The following CNOT1 variants were observed in gnomAD, a reference collection of about 807,000 sequenced individuals.
CNOT1 encodes the protein CCR4-NOT transcription complex subunit 1, also known as CCR4-associated factor 1.
In CNOT1, 15 loss-of-function variants were observed where a neutral mutation model predicts 273.8. That is an observed-to-expected ratio of 0.05 (90% CI 0.04 to 0.08). The LOEUF (loss-of-function observed/expected upper bound fraction) is 0.08. Ranked by LOEUF, CNOT1 falls within the 10% of genes least tolerant of loss-of-function variation. CNOT1 has a pLI of 1.00. For synonymous variants in CNOT1, 1,022 were observed against 1,005.5 expected (o/e 1.02, Z -0.31); for missense variants, 1,644 against 2,912.2 (o/e 0.56, Z 10.02).
intron 13 of CNOT1, among the ~76,000 whole-genome samples, chr16:58,578,449 T>G (rs1215615623): frequency 9.2e-6 from 1 of 108,430 alleles, no homozygotes; most frequent in African/African-American, 3.5e-5. Context: ...CAAGACACCA[T>G]CTCAAAAAAA....
At chr16:58,580,506 A>G (rs2041620035) in intron 12 of CNOT1, 127 bp downstream of exon 12, 4 of 1,369,478 alleles carry the variant, frequency 2.9e-6, no homozygotes, top group Middle Eastern at 4.5e-4. Flanking sequence ...AATACTTAAG[A>G]TAAGTAAGGT....
Position 58,615,428 on chromosome 16 carries a change from T to C in CNOT1, c.-175+14300A>G, listed in dbSNP as rs751171492. 3.2e-5 allele frequency among the ~76,000 whole-genome samples: 4 copies of C among 125,086 alleles called. 2 individuals are homozygous for C. The highest frequency in any genetic ancestry group is 5.4e-5 in the African/African-American group (2 of 37,136). 82.1% of individuals were successfully genotyped at this position (125,086 alleles called of 152,430 possible). On this transcript the variant is annotated intron_variant, in intron 1 of 48. Transcript: ENST00000317147. The stretch of plus-strand genomic sequence containing the variant: ...ATATGGTATGTGGCACTTTCAGACC[T>C]AGCTCACAAAACCTCACTCATGATT...
At chr16:58,586,469 A>AG (rs1263565287) in intron 7 of CNOT1, 76 bp downstream of exon 7, 13 of 848,498 alleles carry the variant, frequency 1.5e-5, no homozygotes, top group African/African-American at 3.1e-5. Context: ...AGGGGAGGGG[A>AG]GGGGGGAATG....
intron 44 of CNOT1, 63 bp from the exon 45 acceptor site, chr16:58,526,201 G>C (rs2039574587): frequency 6.3e-7 from 1 of 1,574,978 alleles, no homozygotes; most frequent in Non-Finnish European, 8.7e-7. Flanking sequence ...TTACATCTAT[G>C]CTTAAGTGGT....
chr16:58,610,504 AATC>A (rs2042856968), intron 1 of CNOT1, among the ~76,000 whole-genome samples: 1 of 152,016 alleles, frequency 6.6e-6, no homozygotes, highest in African/African-American at 2.4e-5. Context: ...GGGAGATCGA[AATC>A]ATCCTCACTA....
At chr16:58,538,695 T>C in intron 36 of CNOT1, 77 bp downstream of exon 36, 4 of 1,573,482 alleles carry the variant, frequency 2.5e-6, no homozygotes, top group Admixed American at 1.8e-5. Flanking sequence ...GGGAAACCCC[T>C]GGACATAAAC....
chr16:58,593,565 A>AG (rs898803376), intron 2 of CNOT1, among the ~76,000 whole-genome samples: 8 of 67,052 alleles, frequency 1.2e-4, no homozygotes, highest in Admixed American at 2.4e-4. Context: ...CTCCGTCTCA[A>AG]GGGAAAAAAA....
At chr16:58,527,985 T>TC in intron 44 of CNOT1, 2 of 335,866 alleles carry the variant, frequency 6.0e-6, no homozygotes, top group East Asian at 8.7e-5. Flanking sequence ...TGGTGGCGAG[T>TC]GCCTGTAATC....
rs1191340979 is a variant in CNOT1 at position 58,581,403 on chromosome 16, C to T, written c.1157G>A (p.Gly386Asp). The T allele has an allele frequency of 2.5e-6, 4 of 1,614,076 alleles. 1 individual carries two copies. The South Asian group carries it at 4.4e-5, about 18-fold the overall frequency. Residue 386 changes from glycine (G) to aspartate (D), a missense_variant, in exon 11 of 49, where the codon GGT (glycine) becomes GAT (aspartate). By Grantham distance (94) the Gly-to-Asp change is moderately conservative (BLOSUM62 -1). Coordinates refer to ENST00000317147, the MANE Select transcript of CNOT1 (RefSeq NM_016284.5). Reference protein sequence around the residue: ...NVVYGIQRGLGMEVFPVDLIY... With the variant: ...NVVYGIQRGLDMEVFPVDLIY... Reference sequence around the variant, plus strand: ...GAGGTCTACTGGGAACACTTCCATACCCAAACCCCTCTGAATGCCATAAAC... The same window carrying T: ...GAGGTCTACTGGGAACACTTCCATATCCAAACCCCTCTGAATGCCATAAAC...
At chr16:58,540,171 G>A in intron 34 of CNOT1, 1 of 437,224 alleles carries the variant, frequency 2.3e-6, no homozygotes, top group East Asian at 3.5e-5. Flanking sequence ...AAGGGAAGAG[G>A]TGTTTCATTT....
chr16:58,570,938 TAGAA>T (rs1252939991), intron 16 of CNOT1, among the ~76,000 whole-genome samples: 3 of 151,806 alleles, frequency 2.0e-5, no homozygotes, highest in Non-Finnish European at 4.4e-5. Flanking sequence ...TGACAAGAGA[TAGAA>T]AGATTAACAG....
chr16:58,575,746 C>G (rs1427028087), intron 14 of CNOT1, among the ~76,000 whole-genome samples: 1 of 152,032 alleles, frequency 6.6e-6, no homozygotes, highest in Non-Finnish European at 1.5e-5. Context: ...TTGCAGTGAG[C>G]CAAGAGGCGC....
At chr16:58,553,947 C>A (rs2040540069) in intron 21 of CNOT1, 87 bp from the exon 22 acceptor site, 3 of 1,425,942 alleles carry the variant, frequency 2.1e-6, no homozygotes, top group Admixed American at 5.1e-5. Flanking sequence ...TAATCTAGGT[C>A]ATTTTTTTCC....
chr16:58,537,263 T>C (rs1460554899), intron 38 of CNOT1, 43 bp from the exon 39 acceptor site: 1 of 1,530,134 alleles, frequency 6.5e-7, no homozygotes. Flanking sequence ...TCCTCGTAGT[T>C]GTGATTTTAC....
chr16:58,618,455 A>T (rs1186761086), intron 1 of CNOT1, among the ~76,000 whole-genome samples: 3 of 152,012 alleles, frequency 2.0e-5, no homozygotes, highest in Non-Finnish European at 4.4e-5. Flanking sequence ...GGTGGTGCAC[A>T]TCTGTAATCC....
chr16:58,550,983 T>C (rs2040432188), intron 24 of CNOT1, 149 bp downstream of exon 24: 2 of 1,380,078 alleles, frequency 1.4e-6, no homozygotes, highest in Non-Finnish European at 1.9e-6. Flanking sequence ...TACTATTTAA[T>C]GTCTACCAAA....
intron 32 of CNOT1, 22 bp from the exon 33 acceptor site, chr16:58,542,357 G>A (rs1232127899): frequency 2.5e-6 from 4 of 1,613,894 alleles, no homozygotes; most frequent in Non-Finnish European, 3.4e-6. Flanking sequence ...AAAAGTCACT[G>A]AGGTTCTTGT....
At position 58,520,255 on chromosome 16, in the gene CNOT1, T is replaced by TGG. The variant is rs2039322932; in HGVS notation, c.*701_*702dup. The TGG allele has an allele frequency of 7.0e-6, 1 of 143,040 alleles. No homozygotes were observed. The highest frequency in any genetic ancestry group is 2.6e-5 in the African/African-American group (1 of 38,232). 8.9% of individuals were successfully genotyped at this position (143,040 alleles called of 1,614,324 possible). A position where few individuals can be genotyped will look rare whatever the true frequency, so the allele number is the denominator to read the frequency against. Reference sequence around the variant, plus strand: ...AGGATTGGGGGGGTGAGGGTAGGGGTGGGCTTTAGGCCTGGTCTGGTTTCC... The same window carrying TGG: ...AGGATTGGGGGGGTGAGGGTAGGGGTGGGGGCTTTAGGCCTGGTCTGGTTTCC... On this transcript the variant is annotated 3_prime_UTR_variant, in exon 49 of 49. Coordinates refer to ENST00000317147, the MANE Select transcript of CNOT1 (RefSeq NM_016284.5).
At chr16:58,605,323 T>C (rs1015072200) in intron 1 of CNOT1, among the ~76,000 whole-genome samples, 1 of 151,666 alleles carries the variant, frequency 6.6e-6, no homozygotes, top group African/African-American at 2.4e-5. Flanking sequence ...GCCAACATGG[T>C]GAAACCCTAC....
Sources: allele counts gnomAD v4.1 joint callset (sites outside exome capture counted in the v4.1 genomes callset), GRCh38; gene constraint gnomAD v4.1.1; transcripts MANE v1.5; gene names NCBI Gene and HGNC (gene_info 2026-07-23, HGNC 2026-07-21).